THSD7B: variants seen among roughly 807,000 people sequenced by gnomAD.
THSD7B encodes thrombospondin type 1 domain containing 7B, also known as thrombospondin type-1 domain-containing protein 7B.
THSD7B carries 138 observed loss-of-function variants against 213.6 expected under a neutral mutation model. That is an observed-to-expected ratio of 0.65 (90% CI 0.56 to 0.74). The LOEUF is 0.74. Among genes scored for constraint, THSD7B ranks in the 30% least tolerant of loss-of-function variants. The pLI is 0.00. For missense variants in THSD7B, 1,931 were observed against 1,991.5 expected (o/e 0.97, Z 0.58); for synonymous variants, 742 against 687.0 (o/e 1.08, Z -1.25).
intron 12 of THSD7B, among the ~76,000 whole-genome samples, chr2:137,397,261 G>A (rs1020987581): frequency 3.1e-4 from 47 of 152,130 alleles, no homozygotes; most frequent in East Asian, 3.9e-4. Context: ...TCCTAGTCTC[G>A]ATGTTCTTTA....
chr2:137,310,490 C>A (rs1449185418), intron 12 of THSD7B, among the ~76,000 whole-genome samples: 38 of 150,260 alleles, frequency 2.5e-4, no homozygotes, highest in Non-Finnish European at 1.2e-4. Context: ...TTTTGCTGTG[C>A]AGAAGCTCTT....
At chr2:136,968,642 G>A (rs941735975) in intron 2 of THSD7B, among the ~76,000 whole-genome samples, 1 of 152,092 alleles carries the variant, frequency 6.6e-6, no homozygotes, top group Non-Finnish European at 1.5e-5. Context: ...TAATTTATGA[G>A]TAGTACTCTT....
chr2:136,860,425 G>A (rs1683242013), intron 1 of THSD7B, among the ~76,000 whole-genome samples: 1 of 152,068 alleles, frequency 6.6e-6, no homozygotes, highest in Admixed American at 6.6e-5. Context: ...TTTCTCCTTG[G>A]ATGAATAATA....
At chr2:137,112,638 T>G (rs1324870526) in intron 4 of THSD7B, among the ~76,000 whole-genome samples, 1 of 152,212 alleles carries the variant, frequency 6.6e-6, no homozygotes, top group Non-Finnish European at 1.5e-5. Context: ...ATAACTATAA[T>G]CTAAACTTTA....
At chr2:137,301,628 G>T (rs947323855) in intron 12 of THSD7B, among the ~76,000 whole-genome samples, 1 of 151,838 alleles carries the variant, frequency 6.6e-6, no homozygotes, top group Non-Finnish European at 1.5e-5. Flanking sequence ...AATATATTAT[G>T]TTGATCAAGG....
chr2:137,589,357 C>A (rs1681814145), intron 17 of THSD7B, among the ~76,000 whole-genome samples: 1 of 152,012 alleles, frequency 6.6e-6, no homozygotes, highest in Non-Finnish European at 1.5e-5. Context: ...GCAGAAACTA[C>A]CCAGAATCAT....
chr2:136,954,485 G>C (rs1671825227), intron 2 of THSD7B, among the ~76,000 whole-genome samples: 1 of 152,080 alleles, frequency 6.6e-6, no homozygotes, highest in Non-Finnish European at 1.5e-5. Flanking sequence ...GGGAGGCCGA[G>C]GCGGGCGGAT....
At chr2:137,191,244 G>A (rs1680650219) in intron 7 of THSD7B, among the ~76,000 whole-genome samples, 1 of 152,144 alleles carries the variant, frequency 6.6e-6, no homozygotes, top group Admixed American at 6.5e-5. Context: ...TTGGTGGCGG[G>A]ATTTGTGATT....
At chr2:137,259,046 T>C (rs1362372573) in intron 10 of THSD7B, among the ~76,000 whole-genome samples, 1 of 152,186 alleles carries the variant, frequency 6.6e-6, no homozygotes, top group African/African-American at 2.4e-5. Flanking sequence ...TAGTATTCCA[T>C]GGTGTATATG....
chr2:137,271,208 G>A (rs150327482), intron 10 of THSD7B, among the ~76,000 whole-genome samples: 24 of 150,490 alleles, frequency 1.6e-4, no homozygotes, highest in African/African-American at 3.9e-4. Flanking sequence ...CCCTCACTGC[G>A]CTCCTCCCTC....
intron 15 of THSD7B, among the ~76,000 whole-genome samples, chr2:137,458,484 C>G (rs924223604): frequency 6.6e-5 from 10 of 152,128 alleles, no homozygotes; most frequent in Admixed American, 4.6e-4. Context: ...GCATCAGGAT[C>G]TGGATCCCAC....
chr2:137,063,132 T>G (rs374243686), intron 3 of THSD7B, among the ~76,000 whole-genome samples: 1 of 151,976 alleles, frequency 6.6e-6, no homozygotes, highest in East Asian at 1.9e-4. Flanking sequence ...ACTCCACCTT[T>G]TTTTGATTAA....
rs182430628 is a variant in THSD7B, at chr2:137,542,609, T to C, written c.3139-20612T>C. On this transcript the variant is annotated intron_variant, in intron 15 of 27. Transcript: ENST00000409968. ...AATATACATTCTTCTCCACTGCACA[T>C]GGAGCATTCTCCAGGGTATACCATA... Among the ~76,000 whole-genome samples the C allele has an allele frequency of 4.0e-5, 6 of 151,854 alleles. No individual in the cohort carries two copies. The East Asian group carries it at 9.7e-4, about 25-fold the overall frequency.
At chr2:137,658,424 T>A (rs1683279425) in intron 24 of THSD7B, among the ~76,000 whole-genome samples, 1 of 152,180 alleles carries the variant, frequency 6.6e-6, no homozygotes, top group African/African-American at 2.4e-5. Flanking sequence ...ATCAGTATCA[T>A]CTGACAAATA....
chr2:137,048,619 C>G (rs1687010295), intron 2 of THSD7B, among the ~76,000 whole-genome samples: 1 of 152,190 alleles, frequency 6.6e-6, no homozygotes, highest in African/African-American at 2.4e-5. Context: ...TGCATGCTCT[C>G]TGCCCTTTTG....
At chr2:136,860,263 G>T (rs936300277) in intron 1 of THSD7B, among the ~76,000 whole-genome samples, 2 of 151,978 alleles carry the variant, frequency 1.3e-5, no homozygotes, top group Admixed American at 1.3e-4. Flanking sequence ...GTTGATGGTG[G>T]TGCAGGCCTT....
chr2:136,970,244 G>A (rs944547228), intron 2 of THSD7B, among the ~76,000 whole-genome samples: 4 of 151,996 alleles, frequency 2.6e-5, no homozygotes, highest in South Asian at 2.1e-4. Flanking sequence ...CAGGTGGATC[G>A]CTTAATCTCA....
At chr2:137,375,328 A>T (rs1283314190) in intron 12 of THSD7B, among the ~76,000 whole-genome samples, 1 of 152,188 alleles carries the variant, frequency 6.6e-6, no homozygotes, top group East Asian at 1.9e-4. Flanking sequence ...ATTGAAATAT[A>T]CATCACTTTA....
intron 14 of THSD7B, among the ~76,000 whole-genome samples, chr2:137,418,374 G>T (rs75963841): frequency 0.033 from 5,056 of 152,186 alleles, 124 homozygotes; most frequent in Non-Finnish European, 0.047. Context: ...GCAACCCATT[G>T]CCCAGACCCC....
Sources: allele counts gnomAD v4.1 joint callset (sites outside exome capture counted in the v4.1 genomes callset), GRCh38; gene constraint gnomAD v4.1.1; transcripts MANE v1.5; gene names NCBI Gene and HGNC (gene_info 2026-07-23, HGNC 2026-07-21).